Variants in TTLL11 observed in about 807,000 individuals in gnomAD.
TTLL11 encodes tubulin polyglutamylase TTLL11.
Under a neutral mutation model 51.7 loss-of-function variants are expected in TTLL11, and 42 were observed. The observed-to-expected ratio is 0.81, with a 90% CI of 0.64 to 1.05. TTLL11 has a LOEUF of 1.05. Among genes scored for constraint, TTLL11 ranks in the 50% least tolerant of loss-of-function variants. TTLL11 has a pLI of 0.00. For missense variants in TTLL11, 799 were observed against 940.4 expected (o/e 0.85, Z 1.97); for synonymous variants, 381 against 383.5 (o/e 0.99, Z 0.08).
At chr9:121,982,391 A>C (rs1250279474) in intron 4 of TTLL11, among the ~76,000 whole-genome samples, 1 of 152,136 alleles carries the variant, frequency 6.6e-6, no homozygotes, top group East Asian at 1.9e-4. Context: ...GGGAGGTGAC[A>C]TATGGACAGG....
chr9:121,978,097 A>T (rs1842754951), intron 4 of TTLL11, among the ~76,000 whole-genome samples: 1 of 152,248 alleles, frequency 6.6e-6, no homozygotes, highest in Non-Finnish European at 1.5e-5. Context: ...AAGATAATGC[A>T]ATATAACATT....
intron 7 of TTLL11, among the ~76,000 whole-genome samples, chr9:121,865,866 T>C (rs1396786494): frequency 6.6e-6 from 1 of 152,222 alleles, no homozygotes; most frequent in African/African-American, 2.4e-5. Context: ...TCTTATTTCT[T>C]GGTGAAAAAG....
intron 6 of TTLL11, among the ~76,000 whole-genome samples, chr9:121,887,519 GTGCACATACCAA>G: frequency 6.6e-6 from 1 of 152,340 alleles, no homozygotes; most frequent in South Asian, 2.1e-4. Flanking sequence ...CGCGATGCCA[GTGCACATACCAA>G]TGATCCCAGG....
At chr9:122,044,111 T>C (rs1844928798) in intron 1 of TTLL11, among the ~76,000 whole-genome samples, 1 of 152,200 alleles carries the variant, frequency 6.6e-6, no homozygotes, top group Non-Finnish European at 1.5e-5. Flanking sequence ...GTGCAGTGTT[T>C]GGTTTTTTGT....
intron 6 of TTLL11, among the ~76,000 whole-genome samples, chr9:121,871,210 T>C (rs1301436193): frequency 6.6e-6 from 1 of 151,860 alleles, no homozygotes; most frequent in Admixed American, 6.5e-5. Context: ...AACAATTATA[T>C]TTCTGGCTTA....
In TTLL11 at chr9:121,820,864, TGGGCTCTGCA is replaced by T. The variant is rs891322192; in HGVS notation, c.*1713_*1722del. ...CTGTCACTCACTGAACACCCCAGAG[TGGGCTCTGCA>T]GGGCTCAGTTCCACGGCCCCTCTAG... On this transcript the variant is annotated 3_prime_UTR_variant, in exon 9 of 9. Transcript: ENST00000321582. Among the ~76,000 whole-genome samples, 8 of 151,358 alleles carry T rather than the reference TGGGCTCTGCA, an allele frequency of 5.3e-5. No individual in the cohort carries two copies. The highest frequency in any genetic ancestry group is 2.6e-4 in the Admixed American group (4 of 15,198).
At chr9:121,965,959 T>C (rs1295443711) in intron 6 of TTLL11, among the ~76,000 whole-genome samples, 1 of 152,264 alleles carries the variant, frequency 6.6e-6, no homozygotes, top group East Asian at 1.9e-4. Context: ...TTCAACTTTA[T>C]TCTAGATTCT....
intron 8 of TTLL11, among the ~76,000 whole-genome samples, chr9:121,826,557 G>GTATATATATATATA (rs1171227988): frequency 3.3e-4 from 17 of 51,342 alleles, no homozygotes; most frequent in African/African-American, 1.2e-3. Context: ...ATATGTGTGT[G>GTATATATATATATA]TATATATATA....
chr9:121,868,362 T>C (rs1387099873), intron 7 of TTLL11, among the ~76,000 whole-genome samples: 3 of 152,332 alleles, frequency 2.0e-5, no homozygotes, highest in Admixed American at 6.5e-5. Flanking sequence ...GGTAGCACTA[T>C]GCACAGTTAG....
At chr9:122,015,807 C>CA (rs11297849) in intron 3 of TTLL11, among the ~76,000 whole-genome samples, 2,121 of 94,452 alleles carry the variant, frequency 0.022, 61 homozygotes, top group African/African-American at 0.061. Flanking sequence ...TCAAAAGAGA[C>CA]AAAAAAAAAA....
intron 6 of TTLL11, among the ~76,000 whole-genome samples, chr9:121,899,519 TCA>T (rs932323957): frequency 2.0e-5 from 3 of 151,830 alleles, no homozygotes; most frequent in Non-Finnish European, 4.4e-5. Flanking sequence ...TCCTCCTGCC[TCA>T]GCCTCCCAAG....
chr9:121,858,129 T>C (rs1455123872), intron 8 of TTLL11, among the ~76,000 whole-genome samples: 1 of 152,234 alleles, frequency 6.6e-6, no homozygotes, highest in Middle Eastern at 3.2e-3. Context: ...ACGCTCCATC[T>C]CACGCCTCTC....
intron 6 of TTLL11, among the ~76,000 whole-genome samples, chr9:121,941,001 C>T (rs1841439190): frequency 6.6e-6 from 1 of 152,184 alleles, no homozygotes; most frequent in Admixed American, 6.5e-5. Flanking sequence ...ATTAATTTCA[C>T]AATGTCGAAA....
intron 4 of TTLL11, among the ~76,000 whole-genome samples, chr9:121,981,280 A>G (rs1285302091): frequency 2.6e-5 from 4 of 151,886 alleles, no homozygotes; most frequent in Non-Finnish European, 5.9e-5. Flanking sequence ...TTTTGGACAC[A>G]TTCTATTGCT....
At chr9:122,044,416 T>C (rs1370028242) in intron 1 of TTLL11, among the ~76,000 whole-genome samples, 3 of 152,182 alleles carry the variant, frequency 2.0e-5, no homozygotes, top group Non-Finnish European at 4.4e-5. Context: ...TAGTTCTAGA[T>C]CCCTGAGGAA....
chr9:121,889,873 C>G (rs1839156036), intron 6 of TTLL11, among the ~76,000 whole-genome samples: 1 of 125,224 alleles, frequency 8.0e-6, no homozygotes. Context: ...ATACTCCAGC[C>G]TGGGCAACAG....
Position 121,870,691 on chromosome 9 carries a change from CA to C in TTLL11, c.1538del (p.Leu513ArgfsTer54). On this transcript the variant is annotated frameshift_variant, in exon 7 of 9. Transcript: ENST00000321582. LOFTEE classifies it high-confidence loss of function. Reference sequence around the variant, plus strand: ...TGGCGTTGCAGTCTGGAGCACTGGTCAGCTCGCCGTCCAAAGCATCTTCCTT... The same window carrying C: ...TGGCGTTGCAGTCTGGAGCACTGGTCGCTCGCCGTCCAAAGCATCTTCCTT... ...AGKEDALDGE[L>X]TSAPDCNANP... The C allele has an allele frequency of 1.3e-6, 2 of 1,551,612 alleles. No individual in the cohort carries two copies. The highest frequency in any genetic ancestry group is 8.7e-7 in the Non-Finnish European group (1 of 1,146,908).
chr9:122,087,263 G>A (rs754024168), intron 1 of TTLL11, among the ~76,000 whole-genome samples: 8 of 151,728 alleles, frequency 5.3e-5, no homozygotes, highest in Non-Finnish European at 8.8e-5. Context: ...CAGCTGAAGT[G>A]CAGTGGTGCG....
rs1840305204 is a variant in TTLL11, at chr9:121,915,978, A to T, written c.1482-45230T>A. Among the ~76,000 whole-genome samples, 2 of 118,186 alleles carry T rather than the reference A, an allele frequency of 1.7e-5. 1 individual carries two copies. The highest frequency in any genetic ancestry group is 5.9e-4 in the South Asian group (2 of 3,414). 77.5% of individuals were successfully genotyped at this position (118,186 alleles called of 152,430 possible). On this transcript the variant is annotated intron_variant, in intron 6 of 8. Transcript: ENST00000321582. ...GAAGAAATATTGGCATGTATAGACAAAGACACACACATACACACACACACA... is the reference window on the plus strand; with the variant it reads ...GAAGAAATATTGGCATGTATAGACATAGACACACACATACACACACACACA...
Sources: allele counts gnomAD v4.1 joint callset (sites outside exome capture counted in the v4.1 genomes callset), GRCh38; gene constraint gnomAD v4.1.1; transcripts MANE v1.5; gene names NCBI Gene and HGNC (gene_info 2026-07-23, HGNC 2026-07-21).